ZNF236: variants seen among roughly 807,000 people sequenced by gnomAD.
ZNF236 encodes the protein zinc finger protein 236, also known as regulated by glucose.
ZNF236 carries 50 observed loss-of-function variants against 191.2 expected under a neutral mutation model. The observed-to-expected ratio is 0.26, with a 90% CI of 0.21 to 0.33. ZNF236 has a LOEUF of 0.33. Among genes scored for constraint, ZNF236 ranks in the 10% least tolerant of loss-of-function variants. The probability of loss-of-function intolerance (pLI) is 1.00; values close to 1 mark genes in which losing one functional copy is unlikely to be tolerated. For missense variants in ZNF236, 1,754 were observed against 2,374.5 expected, an observed-to-expected ratio of 0.74 and a Z score of 5.43; for synonymous variants, 907 against 928.8, an observed-to-expected ratio of 0.98 and a Z score of 0.43.
chr18:76,880,056 C>G lies in ZNF236; in HGVS notation c.985-57C>G, dbSNP rs1227957475. On this transcript the variant is annotated intron_variant, in intron 7 of 30. Coordinates refer to ENST00000320610, the MANE Select transcript of ZNF236 (RefSeq NM_001306089.2). This position sits in a 1 kb window ranked among gnomAD's most constrained non-coding sequence, Gnocchi z 5.0. ...TGCCTGTTTTTTTTTTTTTAATTTT[C>G]CTTTTTAAATTGAAGAGCAAAATTG... 11 of 1,385,664 alleles carry G rather than the reference C, an allele frequency of 7.9e-6. No homozygotes were observed. The highest frequency in any genetic ancestry group is 9.8e-6 in the Non-Finnish European group (10 of 1,022,362). The allele number at this position is 1,385,664 out of a possible 1,614,324, so 85.8% of individuals were successfully genotyped here. A position where few individuals can be genotyped will look rare whatever the true frequency, so the allele number is the denominator to read the frequency against.
intron 25 of ZNF236, among the ~76,000 whole-genome samples, chr18:76,930,504 C>T (rs531221042): frequency 6.6e-6 from 1 of 152,300 alleles, no homozygotes; most frequent in Non-Finnish European, 1.5e-5. Flanking sequence ...TTCATTATAT[C>T]ATTACAGTAG....
intron 27 of ZNF236, 98 bp from the exon 28 acceptor site, chr18:76,955,887 C>A: frequency 7.3e-7 from 1 of 1,363,896 alleles, no homozygotes; most frequent in Non-Finnish European, 1.0e-6. Context: ...CGTGTCCGTG[C>A]TAGGAATGTC....
intron 28 of ZNF236, among the ~76,000 whole-genome samples, chr18:76,957,470 T>C (rs1968551015): frequency 6.6e-6 from 1 of 152,228 alleles, no homozygotes; most frequent in East Asian, 1.9e-4. Flanking sequence ...TCCCTCTCTG[T>C]CCTGAAGGGA....
intron 1 of ZNF236, among the ~76,000 whole-genome samples, chr18:76,835,203 G>A (rs1383776603): frequency 6.6e-6 from 1 of 152,108 alleles, no homozygotes; most frequent in African/African-American, 2.4e-5. Context: ...TGCAAAAGAT[G>A]TGGCTAAATT....
chr18:76,867,293 ATTTTCT>A (rs941457103), intron 3 of ZNF236, among the ~76,000 whole-genome samples: 2 of 151,404 alleles, frequency 1.3e-5, no homozygotes, highest in African/African-American at 2.4e-5. Flanking sequence ...CCTAGAACAA[ATTTTCT>A]TTTATCAACA....
At chr18:76,826,863 C>T (rs1444153197) in intron 1 of ZNF236, among the ~76,000 whole-genome samples, 1 of 150,468 alleles carries the variant, frequency 6.6e-6, no homozygotes, top group Non-Finnish European at 1.5e-5. Context: ...CCTTCATGTA[C>T]ACTAATTCCT....
Position 76,922,278 on chromosome 18 carries a change from G to A in ZNF236, c.3558-793G>A, listed in dbSNP as rs138668914. Among the ~76,000 whole-genome samples the A allele has an allele frequency of 3.3e-3, 509 of 152,278 alleles. 3 individuals carry two copies. The highest frequency in any genetic ancestry group is 8.8e-3 in the Admixed American group (134 of 15,298). ...CCTCTGATGGCTCAGTGAGGGTAGA[G>A]TCTGGCAAAGGCCACCAGAGGGCCG... On this transcript the variant is annotated intron_variant, in intron 20 of 30. Coordinates refer to ENST00000320610, the MANE Select transcript of ZNF236 (RefSeq NM_001306089.2).
At chr18:76,879,372 A>C (rs1003775656) in intron 7 of ZNF236, among the ~76,000 whole-genome samples, 10 of 152,216 alleles carry the variant, frequency 6.6e-5, no homozygotes, top group African/African-American at 2.2e-4. Flanking sequence ...TCAGTTTCCC[A>C]CATTTCTGAC....
intron 4 of ZNF236, among the ~76,000 whole-genome samples, chr18:76,870,967 A>C (rs1339469816): frequency 2.0e-5 from 3 of 152,164 alleles, no homozygotes; most frequent in Non-Finnish European, 4.4e-5. Flanking sequence ...TGTCAAAAGC[A>C]GGGAGACCTT....
intron 6 of ZNF236, among the ~76,000 whole-genome samples, chr18:76,876,089 C>G (rs899857896): frequency 6.6e-6 from 1 of 152,188 alleles, no homozygotes; most frequent in African/African-American, 2.4e-5. Flanking sequence ...CATGTCCGTT[C>G]CCTCTTGGAC....
intron 27 of ZNF236, among the ~76,000 whole-genome samples, chr18:76,955,211 C>G (rs1371679876): frequency 6.6e-6 from 1 of 152,008 alleles, no homozygotes. Flanking sequence ...GTTCTAAGAC[C>G]AACCTAGGCA....
At chr18:76,843,803 A>AAAAAAAAAAAG (rs71172383) in intron 1 of ZNF236, among the ~76,000 whole-genome samples, 1,934 of 62,062 alleles carry the variant, frequency 0.031, 677 homozygotes, top group African/African-American at 0.053. Flanking sequence ...AAAAAAAAAA[A>AAAAAAAAAAAG]AAGTAAAGAA....
chr18:76,893,555 T>C (rs1004443714), intron 9 of ZNF236, among the ~76,000 whole-genome samples: 1 of 152,338 alleles, frequency 6.6e-6, no homozygotes, highest in African/African-American at 2.4e-5. Context: ...TCGCCCAGGC[T>C]GGAGTGCAGT....
At chr18:76,858,640 G>GT (rs1412512215) in intron 3 of ZNF236, among the ~76,000 whole-genome samples, 5 of 148,020 alleles carry the variant, frequency 3.4e-5, no homozygotes, top group African/African-American at 1.2e-4. Context: ...GTGGAGGCGA[G>GT]TGCAGGTGGA....
chr18:76,968,258 G>A lies in ZNF236; in HGVS notation c.5463G>A (p.Glu1821=), dbSNP rs199670002. The A allele has an allele frequency of 2.5e-6, 4 of 1,612,506 alleles. No homozygotes were observed. The highest frequency in any genetic ancestry group is 3.4e-5 in the Admixed American group (2 of 59,524). ...ESAGHPEQDG[E]ELSRTLHLEE... ...CAGGTCACCCGGAGCAGGACGGGGA[G>A]GAGCTGAGCCGGACCCTCCACCTGG... is the stretch of plus-strand genomic sequence containing the variant. Residue 1821 remains glutamate (E), a synonymous_variant, in exon 31 of 31, where the codon GAG becomes GAA. Coordinates refer to ENST00000320610, the MANE Select transcript of ZNF236 (RefSeq NM_001306089.2).
rs1326826496 is a variant in ZNF236 at position 76,870,994 on chromosome 18, G to A, written c.543-707G>A. Among the ~76,000 whole-genome samples the A allele has an allele frequency of 5.3e-5, 8 of 152,300 alleles. No individual in the cohort carries two copies. In the East Asian group the frequency reaches 1.5e-3, roughly 29 times the overall value. On this transcript the variant is annotated intron_variant, in intron 4 of 30. Transcript: ENST00000320610. ...GGAGACCTTTTTGGAGGCTATGGAA[G>A]CAGTGCACTGGAGAGCCGAACCCGT...
rs551527096 is a variant in ZNF236, at chr18:76,918,593, A to T, written c.3275-1183A>T. ...GCTCACCACCACGCCTGGCTGATTT[A>T]AAAAAATTTTTTTTTGTAGAGACGG... On this transcript the variant is annotated intron_variant, in intron 19 of 30. Coordinates refer to ENST00000320610, the MANE Select transcript of ZNF236 (RefSeq NM_001306089.2). Among the ~76,000 whole-genome samples, 88 of 152,254 alleles carry T rather than the reference A, an allele frequency of 5.8e-4. 3 individuals are homozygous for T. The South Asian group carries it at 0.018, about 31-fold the overall frequency.
chr18:76,882,153 A>C (rs1976919280), intron 9 of ZNF236, among the ~76,000 whole-genome samples: 1 of 152,192 alleles, frequency 6.6e-6, no homozygotes, highest in South Asian at 2.1e-4. Context: ...GTTTCTGCAC[A>C]TCATGCTTTC....
At chr18:76,950,189 T>G (rs1209191033) in intron 27 of ZNF236, among the ~76,000 whole-genome samples, 1 of 152,168 alleles carries the variant, frequency 6.6e-6, no homozygotes, top group East Asian at 1.9e-4. Flanking sequence ...TGATTCTTCC[T>G]TTCATGAAAG....
Sources: allele counts gnomAD v4.1 joint callset (sites outside exome capture counted in the v4.1 genomes callset), GRCh38; gene constraint gnomAD v4.1.1; non-coding constraint Gnocchi (gnomAD v3.1); transcripts MANE v1.5; gene names NCBI Gene and HGNC (gene_info 2026-07-23, HGNC 2026-07-21).